Variants in CRACD observed in about 807,000 individuals in gnomAD.
CRACD encodes the protein capping protein inhibiting regulator of actin dynamics.
CRACD carries 56 observed loss-of-function variants against 106.8 expected under a neutral mutation model. That is an observed-to-expected ratio of 0.52 (90% confidence interval 0.42 to 0.66). CRACD has a LOEUF of 0.66. Among genes scored for constraint, CRACD ranks in the 30% least tolerant of loss-of-function variants. CRACD has a pLI of 0.00. For missense variants in CRACD, 1,730 were observed against 1,623.2 expected (o/e 1.07, Z -1.13); for synonymous variants, 754 against 670.8 (o/e 1.12, Z -1.92).
At chr4:56,079,860 G>C (rs1166980276) in intron 1 of CRACD, among the ~76,000 whole-genome samples, 1 of 152,168 alleles carries the variant, frequency 6.6e-6, no homozygotes, top group Non-Finnish European at 1.5e-5. Flanking sequence ...GGCAAGTGTA[G>C]GTTTACCATT....
rs1183153761 is a variant in CRACD at position 56,330,285 on chromosome 4, GT to G, written c.*2487del. Among the ~76,000 whole-genome samples, 5 of 151,700 alleles carry G rather than the reference GT, an allele frequency of 3.3e-5. No individual in the cohort carries two copies. The highest frequency in any genetic ancestry group is 4.8e-5 in the African/African-American group (2 of 41,364). On this transcript the variant is annotated 3_prime_UTR_variant, in exon 11 of 11. Transcript: ENST00000682029. ...ATAGACTTATATATAAAACTAGAGG[GT>G]TTTTTGTTTACTTTTTTAATTTTTC...
chr4:56,190,461 C>T (rs1027878636), intron 2 of CRACD, among the ~76,000 whole-genome samples: 1 of 152,144 alleles, frequency 6.6e-6, no homozygotes, highest in African/African-American at 2.4e-5. Flanking sequence ...TCCTATTTCT[C>T]CAGATGTGGA....
intron 2 of CRACD, among the ~76,000 whole-genome samples, chr4:56,203,514 C>A (rs1361829938): frequency 6.6e-6 from 1 of 152,174 alleles, no homozygotes; most frequent in East Asian, 1.9e-4. Context: ...TGGGCAGTAG[C>A]TTCTTGAGGT....
chr4:56,068,567 AT>A (rs1214685895), intron 1 of CRACD, among the ~76,000 whole-genome samples: 1 of 152,202 alleles, frequency 6.6e-6, no homozygotes, highest in Non-Finnish European at 1.5e-5. Flanking sequence ...AGCAGGGAGT[AT>A]CCTTACTTAG....
intron 2 of CRACD, among the ~76,000 whole-genome samples, chr4:56,266,979 A>C (rs1237703436): frequency 6.6e-6 from 1 of 152,216 alleles, no homozygotes; most frequent in African/African-American, 2.4e-5. Flanking sequence ...ATTTCCTACT[A>C]ATGTCACTTA....
intron 1 of CRACD, among the ~76,000 whole-genome samples, chr4:56,088,469 A>T (rs1007260097): frequency 2.7e-5 from 4 of 146,676 alleles, no homozygotes; most frequent in Non-Finnish European, 4.5e-5. Flanking sequence ...CCAAGTGGGG[A>T]GGCTGGGACT....
intron 3 of CRACD, among the ~76,000 whole-genome samples, chr4:56,292,815 C>T (rs74872429): frequency 0.053 from 7,997 of 152,158 alleles, 383 homozygotes; most frequent in African/African-American, 0.12. Context: ...TGAGCCACCG[C>T]GACTGGCCAC....
intron 2 of CRACD, among the ~76,000 whole-genome samples, chr4:56,262,855 A>G (rs1355693106): frequency 6.6e-6 from 1 of 152,200 alleles, no homozygotes; most frequent in East Asian, 1.9e-4. Context: ...TTGCACTTCG[A>G]TTATTAAAGT....
intron 2 of CRACD, among the ~76,000 whole-genome samples, chr4:56,243,433 G>T (rs1048065274): frequency 1.3e-5 from 2 of 152,184 alleles, no homozygotes; most frequent in Non-Finnish European, 2.9e-5. Flanking sequence ...AGAAGAGAGA[G>T]AAATGAACTC....
intron 1 of CRACD, among the ~76,000 whole-genome samples, chr4:56,125,088 G>A (rs1282094461): frequency 1.3e-5 from 2 of 152,122 alleles, no homozygotes; most frequent in Non-Finnish European, 2.9e-5. Flanking sequence ...AGCTAGGTTT[G>A]GGGAATGGAT....
chr4:56,090,695 A>C (rs899415958), intron 1 of CRACD, among the ~76,000 whole-genome samples: 1 of 151,962 alleles, frequency 6.6e-6, no homozygotes, highest in African/African-American at 2.4e-5. Context: ...GCGCCCAGTC[A>C]GGGCCAGGGA....
chr4:56,321,850 C>T (rs539474265), intron 8 of CRACD, among the ~76,000 whole-genome samples: 22 of 152,264 alleles, frequency 1.4e-4, no homozygotes, highest in African/African-American at 5.3e-4. Flanking sequence ...TATGAATTCT[C>T]TTTGTACAGC....
At chr4:56,161,346 A>AT in intron 1 of CRACD, among the ~76,000 whole-genome samples, 1 of 152,344 alleles carries the variant, frequency 6.6e-6, no homozygotes, top group South Asian at 2.1e-4. Flanking sequence ...GGAAAAAAAA[A>AT]GCAACCCAGA....
intron 1 of CRACD, among the ~76,000 whole-genome samples, chr4:56,058,854 T>C (rs1454459283): frequency 6.6e-6 from 1 of 152,166 alleles, no homozygotes. Flanking sequence ...TGACAACTAG[T>C]GAACAACAAT....
chr4:56,315,410 G>T lies in CRACD; in HGVS notation c.1908G>T (p.Glu636Asp). Residue 636 changes from glutamate (E) to aspartate (D), a missense_variant, in exon 8 of 11, where the codon GAG becomes GAT. Coordinates refer to ENST00000682029, the MANE Select transcript of CRACD (RefSeq NM_001393381.1). This position sits in a 1 kb window ranked among gnomAD's most constrained non-coding sequence, Gnocchi z 4.1. ...EKKHAEAPAG[E>D]NPPRGPGDAR... ...AGCACGCGGAAGCCCCAGCTGGGGA[G>T]AACCCTCCCCGAGGCCCCGGCGACG... is the stretch of plus-strand genomic sequence containing the variant. 6.2e-7 allele frequency: 1 copy of T among 1,612,882 alleles called. No homozygotes were observed. Among genetic ancestry groups the T allele is most frequent in the Non-Finnish European group, 8.5e-7 (1 of 1,179,698 alleles).
intron 1 of CRACD, chr4:56,097,346 TGC>T (rs71666110): frequency 0.12 from 18,369 of 152,578 alleles, 1,123 homozygotes; most frequent in East Asian, 0.19. Flanking sequence ...GTAAGGGCTC[TGC>T]TGCTTGAAGT....
intron 1 of CRACD, among the ~76,000 whole-genome samples, chr4:56,114,025 G>A (rs963455665): frequency 1.3e-5 from 2 of 151,864 alleles, no homozygotes; most frequent in African/African-American, 4.8e-5. Flanking sequence ...TTAATTTGGA[G>A]TATGTTCATC....
Position 56,316,240 on chromosome 4 carries a change from C to T in CRACD, c.2738C>T (p.Ala913Val). 2 of 1,613,974 alleles carry T rather than the reference C, an allele frequency of 1.2e-6. No individual in the cohort carries two copies. The highest frequency in any genetic ancestry group is 2.2e-5 in the East Asian group (1 of 44,858). ...GPSLPQERKQ[A>V]PSTRRDSAEP... ...TCCCTCCCCCAAGAGCGGAAGCAAG[C>T]CCCTTCCACCCGGAGGGACTCCGCT... is the stretch of plus-strand genomic sequence containing the variant. The change falls in exon 8 of 11, where the codon GCC becomes GTC. Residue 913 changes from alanine to valine, a missense_variant. Coordinates refer to ENST00000682029, the MANE Select transcript of CRACD (RefSeq NM_001393381.1).
intron 2 of CRACD, among the ~76,000 whole-genome samples, chr4:56,218,128 A>G (rs1045009464): frequency 7.2e-5 from 11 of 152,164 alleles, no homozygotes; most frequent in Non-Finnish European, 1.5e-4. Flanking sequence ...TACTGACCCC[A>G]TTTTAACTTG....
Sources: gnomAD v4.1 joint callset for allele counts (sites outside exome capture counted in the v4.1 genomes callset) on GRCh38, gnomAD v4.1.1 for gene constraint, Gnocchi (gnomAD v3.1) non-coding constraint, MANE v1.5 for transcripts, NCBI Gene and HGNC (gene_info 2026-07-23, HGNC 2026-07-21) for gene names.